Variants in MYO16 observed in about 807,000 individuals in gnomAD.
MYO16 encodes the protein unconventional myosin-XVI.
MYO16 carries 94 observed loss-of-function variants against 205.3 expected under a neutral mutation model. The observed-to-expected ratio is 0.46, with a 90% CI of 0.39 to 0.54. The LOEUF is 0.54. Among genes scored for constraint, MYO16 ranks in the 20% least tolerant of loss-of-function variants. The probability of loss-of-function intolerance (pLI) is 0.00; values close to 1 mark genes in which losing one functional copy is unlikely to be tolerated. For synonymous variants in MYO16, 988 were observed against 954.0 expected (o/e 1.04, Z -0.66); for missense variants, 2,315 against 2,387.5 (o/e 0.97, Z 0.63).
At chr13:108,977,144 T>C (rs1392593202) in intron 20 of MYO16, among the ~76,000 whole-genome samples, 1 of 152,230 alleles carries the variant, frequency 6.6e-6, no homozygotes, top group African/African-American at 2.4e-5. Flanking sequence ...TATTTTATTC[T>C]GTACATCCTT....
intron 33 of MYO16, among the ~76,000 whole-genome samples, chr13:109,176,600 A>AAAAAAAAAAAAAAAAAC (rs1879198424): frequency 6.7e-6 from 1 of 148,264 alleles, no homozygotes; most frequent in African/African-American, 2.5e-5. Flanking sequence ...AAAAAAAAAA[A>AAAAAAAAAAAAAAAAAC]AGACCTCCTT....
At chr13:108,719,933 T>A (rs1884095586) in intron 3 of MYO16, among the ~76,000 whole-genome samples, 1 of 152,156 alleles carries the variant, frequency 6.6e-6, no homozygotes, top group South Asian at 2.1e-4. Flanking sequence ...AGCAAACCAG[T>A]GCTGCTGATG....
chr13:109,027,531 A>G (rs1368439447), intron 23 of MYO16, among the ~76,000 whole-genome samples: 1 of 152,188 alleles, frequency 6.6e-6, no homozygotes, highest in Non-Finnish European at 1.5e-5. Context: ...CATGTGGCAT[A>G]GTGGAAGGAG....
chr13:108,638,670 A>G (rs1178939648), intron 1 of MYO16, among the ~76,000 whole-genome samples: 14 of 152,100 alleles, frequency 9.2e-5, no homozygotes, highest in Admixed American at 7.2e-4. Flanking sequence ...AAGTTTTTTA[A>G]TCATTCACTC....
intron 27 of MYO16, among the ~76,000 whole-genome samples, chr13:109,073,105 T>A (rs1249947228): frequency 9.5e-6 from 1 of 105,052 alleles, no homozygotes; most frequent in East Asian, 2.5e-4. Flanking sequence ...AATTATGGAA[T>A]ATCTTTTTTT....
At chr13:108,943,279 G>A (rs1406443678) in intron 16 of MYO16, among the ~76,000 whole-genome samples, 4 of 152,094 alleles carry the variant, frequency 2.6e-5, no homozygotes, top group Non-Finnish European at 5.9e-5. Context: ...TTGTTTACCA[G>A]GACCACATCC....
intron 15 of MYO16, among the ~76,000 whole-genome samples, chr13:108,905,228 T>C (rs1250840132): frequency 6.6e-6 from 1 of 152,158 alleles, no homozygotes; most frequent in East Asian, 1.9e-4. Flanking sequence ...CTGATTCTCT[T>C]TACCCTGTTA....
intron 15 of MYO16, among the ~76,000 whole-genome samples, chr13:108,908,923 A>G (rs1295080025): frequency 6.6e-6 from 1 of 151,820 alleles, no homozygotes; most frequent in Admixed American, 6.6e-5. Context: ...CAGTGAGCCA[A>G]GATCGTGCCA....
At chr13:108,544,344 A>G in the MYO16 span, among the ~76,000 whole-genome samples, 1 of 152,110 alleles carries the variant, frequency 6.6e-6, no homozygotes, top group Non-Finnish European at 1.5e-5. Flanking sequence ...TCACTGAGCC[A>G]TATTTTACTT....
At chr13:108,948,233 C>G (rs572804259) in intron 16 of MYO16, among the ~76,000 whole-genome samples, 3 of 152,176 alleles carry the variant, frequency 2.0e-5, no homozygotes, top group Non-Finnish European at 2.9e-5. Context: ...TTAATTTTGC[C>G]TTATTTGGCT....
chr13:108,644,798 C>T (rs1012916187), intron 1 of MYO16, among the ~76,000 whole-genome samples: 2 of 152,132 alleles, frequency 1.3e-5, no homozygotes, highest in Non-Finnish European at 2.9e-5. Context: ...AACCCTCACA[C>T]CCATGAACAG....
intron 21 of MYO16, among the ~76,000 whole-genome samples, chr13:108,994,062 A>C (rs942380433): frequency 2.0e-5 from 3 of 152,136 alleles, no homozygotes; most frequent in African/African-American, 7.2e-5. Context: ...CAAAACTTTT[A>C]AGTTATTTTC....
intron 16 of MYO16, among the ~76,000 whole-genome samples, chr13:108,937,082 T>G (rs1882522640): frequency 6.6e-6 from 1 of 152,216 alleles, no homozygotes; most frequent in South Asian, 2.1e-4. Context: ...CTGGAAAATA[T>G]TTTATTTCCC....
chr13:108,806,762 T>C lies in MYO16; in HGVS notation c.825T>C (p.Asp275=), dbSNP rs1566341266. The C allele has an allele frequency of 6.2e-7, 1 of 1,613,164 alleles. No homozygotes were observed. Among genetic ancestry groups the C allele is most frequent in the Non-Finnish European group, 8.5e-7 (1 of 1,179,310 alleles). ...EHGGDLNIVD[D]QYWTPLHLAA... Reference sequence around the variant, plus strand: ...GTGGAGACCTCAACATAGTAGATGATCAGTACTGGACTCCCCTCCACTTGG... The same window carrying C: ...GTGGAGACCTCAACATAGTAGATGACCAGTACTGGACTCCCCTCCACTTGG... The change falls in exon 7 of 35, where the codon GAT becomes GAC. Residue 275 remains aspartate (D), a synonymous_variant. Coordinates refer to ENST00000457511, the MANE Select transcript of MYO16 (RefSeq NM_001198950.3).
At chr13:108,880,496 G>T (rs544594222) in intron 12 of MYO16, among the ~76,000 whole-genome samples, 1 of 152,274 alleles carries the variant, frequency 6.6e-6, no homozygotes, top group Non-Finnish European at 1.5e-5. Flanking sequence ...ATGGTTTTAG[G>T]TCTAACATTT....
chr13:109,039,773 G>A (rs746324969), intron 23 of MYO16, among the ~76,000 whole-genome samples: 25 of 152,062 alleles, frequency 1.6e-4, no homozygotes, highest in Non-Finnish European at 2.6e-4. Flanking sequence ...AATAATCTAA[G>A]CTCCCATCTC....
At chr13:108,880,691 C>A (rs1330230220) in intron 12 of MYO16, among the ~76,000 whole-genome samples, 3 of 152,092 alleles carry the variant, frequency 2.0e-5, no homozygotes. Context: ...GGTATTATTT[C>A]CGGGGGCTCT....
At chr13:109,074,646 A>G (rs962789221) in intron 27 of MYO16, among the ~76,000 whole-genome samples, 5 of 152,094 alleles carry the variant, frequency 3.3e-5, no homozygotes, top group African/African-American at 9.7e-5. Flanking sequence ...CACTTACACC[A>G]TCAGATCTCA....
At chr13:108,848,604 C>A (rs893002818) in intron 10 of MYO16, among the ~76,000 whole-genome samples, 3 of 152,084 alleles carry the variant, frequency 2.0e-5, no homozygotes, top group African/African-American at 2.4e-5. Context: ...AGTTCAAGAC[C>A]AGCCCGGCAA....
Sources: gnomAD v4.1 joint callset for allele counts (sites outside exome capture counted in the v4.1 genomes callset) on GRCh38, gnomAD v4.1.1 for gene constraint, MANE v1.5 for transcripts, NCBI Gene and HGNC (gene_info 2026-07-23, HGNC 2026-07-21) for gene names.